The following SCN4A variants were observed in gnomAD, a reference collection of about 807,000 sequenced individuals.
SCN4A encodes sodium channel protein type 4 subunit alpha.
SCN4A carries 83 observed loss-of-function variants against 162.0 expected under a neutral mutation model. That is an observed-to-expected ratio of 0.51 (90% CI 0.43 to 0.61). The LOEUF (loss-of-function observed/expected upper bound fraction) is 0.61, where lower values mean the gene tolerates loss of function less well. Ranked by LOEUF, SCN4A falls within the 20% of genes least tolerant of loss-of-function variation. SCN4A has a pLI of 0.00. For missense variants in SCN4A, 2,196 were observed against 2,462.5 expected, an observed-to-expected ratio of 0.89 and a Z score of 2.29; for synonymous variants, 944 against 985.1, an observed-to-expected ratio of 0.96 and a Z score of 0.78.
At chr17:63,958,013 A>G (rs1217104708) in intron 12 of SCN4A, among the ~76,000 whole-genome samples, 3 of 150,302 alleles carry the variant, frequency 2.0e-5, no homozygotes, top group Non-Finnish European at 4.4e-5. Context: ...AAAAAAAAAA[A>G]AAAAAAGAAA....
chr17:63,943,846 C>G lies in SCN4A; in HGVS notation c.3917G>C (p.Gly1306Ala), dbSNP rs80338792. 9 of 1,601,794 alleles carry G rather than the reference C, an allele frequency of 5.6e-6. No homozygotes were observed. The highest frequency in any genetic ancestry group is 1.3e-5 in the African/African-American group (1 of 74,674). The change falls in exon 22 of 24, where the codon GGG becomes GCG. Residue 1306 changes from glycine to alanine, a missense_variant. Gly to Ala is a moderately conservative substitution (Grantham distance 60). Transcript: ENST00000435607. ...CTCCGTCATAAAGATGTCTTTCCCCCCTAAGTATAGTGGGATAGGGCTTGT... is the reference window on the plus strand; with the variant it reads ...CTCCGTCATAAAGATGTCTTTCCCCGCTAAGTATAGTGGGATAGGGCTTGT... Reference protein sequence around the residue: ...DNFNQQKKKLGGKDIFMTEEQ... With the variant: ...DNFNQQKKKLAGKDIFMTEEQ...
chr17:63,951,784 C>T lies in SCN4A; in HGVS notation c.2493G>A (p.Leu831=), dbSNP rs1409715292. The T allele has an allele frequency of 1.3e-6, 2 of 1,584,706 alleles. No individual in the cohort carries two copies. The highest frequency in any genetic ancestry group is 1.3e-5 in the African/African-American group (1 of 74,298). The change falls in exon 14 of 24, where the codon TTG becomes TTA. Residue 831 remains leucine (L), a synonymous_variant. Transcript: ENST00000435607. This position sits in a 1 kb window ranked among gnomAD's most constrained non-coding sequence, Gnocchi z 4.5. The part of the protein sequence containing the change: ...NLQIAIGRIK[L]GIGFAKAFLL... ...GGAAGGCCTTGGCAAAGCCGATGCC[C>T]AACTTGATGCGCCCGATGGCAATCT...
rs1445135724 is a variant in SCN4A at position 63,966,124 on chromosome 17, T to C, written c.1220A>G (p.Tyr407Cys). 5 of 1,586,748 alleles carry C rather than the reference T, an allele frequency of 3.2e-6. No individual in the cohort carries two copies. The highest frequency in any genetic ancestry group is 1.8e-5 in the Admixed American group (1 of 55,540). Residue 407 changes from tyrosine (Y) to cysteine (C), a missense_variant, in exon 8 of 24, where the codon TAT becomes TGT. Coordinates refer to ENST00000435607, the MANE Select transcript of SCN4A (RefSeq NM_000334.4). ...TACCAGCTGGAAGAGGTTCTCCCAA[T>C]AGTCCTGTGTCATGAGGCGGAAGAG... The part of the protein sequence containing the change: ...LALFRLMTQD[Y>C]WENLFQLTLR...
chr17:63,971,285 T>G, intron 4 of SCN4A, 32 bp from the exon 5 acceptor site: 1 of 1,093,842 alleles, frequency 9.1e-7, no homozygotes, highest in Non-Finnish European at 1.4e-6. Flanking sequence ...GTGGGGACTG[T>G]CAGAGCCTGG....
chr17:63,942,778 A>G, intron 23 of SCN4A, 48 bp downstream of exon 23: 4 of 1,574,078 alleles, frequency 2.5e-6, no homozygotes, highest in Non-Finnish European at 3.5e-6. Flanking sequence ...GGTCTTCCCG[A>G]GTGCCTCAGC....
At chr17:63,949,771 G>A (rs1353725529) in intron 14 of SCN4A, 2 of 433,994 alleles carry the variant, frequency 4.6e-6, no homozygotes, top group South Asian at 3.9e-5. Flanking sequence ...GGGAAGGGAC[G>A]GTAAGGGCAT....
rs371825957 is a variant in SCN4A, at chr17:63,972,703, T to C, written c.139A>G (p.Ile47Val). 1 of 1,613,538 alleles carries C rather than the reference T, an allele frequency of 6.2e-7. No homozygotes were observed. The highest frequency in any genetic ancestry group is 2.2e-5 in the East Asian group (1 of 44,886). ...CGTGGCTTCCGTTCGGGCTCCTCAA[T>C]CTCCATCTGCTTATTCCGCTGCAGC... ...ARLQRNKQME[I>V]EEPERKPRSD... is the part of the protein sequence containing the mutation. The change falls in exon 1 of 24, where the codon ATT becomes GTT. Residue 47 changes from isoleucine to valine, a missense_variant. Transcript: ENST00000435607. This position sits in a 1 kb window ranked among gnomAD's most constrained non-coding sequence, Gnocchi z 4.3.
At chr17:63,948,838 C>T (rs530665131) in intron 15 of SCN4A, 73 bp from the exon 16 acceptor site, 18 of 1,394,922 alleles carry the variant, frequency 1.3e-5, no homozygotes, top group South Asian at 7.2e-5. Context: ...GCACAGTCAG[C>T]GCCCTCCCAT....
At position 63,941,778 on chromosome 17, in the gene SCN4A, A is replaced by C; in HGVS notation, c.4504T>G (p.Ser1502Ala). ...TCCTTCTTGACGTAGGCAAAGTTGG[A>C]CATGCCGAAGATGGAGTAGATGAAC... ...VMFIYSIFGM[S>A]NFAYVKKESG... The change falls in exon 24 of 24, where the codon TCC becomes GCC. Residue 1502 changes from serine (S) to alanine (A), a missense_variant. Transcript: ENST00000435607. The surrounding 1 kb of genome is among the most constrained non-coding windows in gnomAD (Gnocchi z 6.2). 1 of 1,614,156 alleles carries C rather than the reference A, an allele frequency of 6.2e-7. No individual in the cohort carries two copies.
At chr17:63,971,349 C>T (rs984584839) in intron 4 of SCN4A, 96 bp from the exon 5 acceptor site, 17 of 741,374 alleles carry the variant, frequency 2.3e-5, no homozygotes, top group African/African-American at 3.5e-5. Flanking sequence ...TGAGGATTCC[C>T]AAGAAATTGG....
chr17:63,971,599 T>G, intron 4 of SCN4A, 123 bp downstream of exon 4: 1 of 851,120 alleles, frequency 1.2e-6, no homozygotes, highest in South Asian at 1.7e-5. Flanking sequence ...ATTGTGCAGC[T>G]CCCCATCTGC....
chr17:63,945,590 G>T lies in SCN4A; in HGVS notation c.3490C>A (p.Leu1164Met), dbSNP rs749033669. ...LGAIPSIMNVLLVCLIFWLIF... is the reference protein window; with the variant it reads ...LGAIPSIMNVMLVCLIFWLIF... ...AGCCAGAAGATGAGGCAGACAAGCA[G>T]CACATTCATGATGGAGGGGATGGCG... is the stretch of plus-strand genomic sequence containing the variant. The change falls in exon 19 of 24, where the codon CTG (leucine) becomes ATG (methionine). Residue 1164 changes from leucine (L) to methionine (M), a missense_variant. Transcript: ENST00000435607. The surrounding 1 kb of genome is among the most constrained non-coding windows in gnomAD (Gnocchi z 4.4). 6.2e-7 allele frequency: 1 copy of T among 1,614,070 alleles called. No homozygotes were observed. Among genetic ancestry groups the T allele is most frequent in the East Asian group, 2.2e-5 (1 of 44,880 alleles).
Position 63,939,628 on chromosome 17 carries a change from G to T in SCN4A, c.*1143C>A, listed in dbSNP as rs1908456342. 1 of 148,240 alleles carries T rather than the reference G, an allele frequency of 6.7e-6. No individual in the cohort carries two copies. The highest frequency in any genetic ancestry group is 1.5e-5 in the Non-Finnish European group (1 of 68,080). The allele number at this position is 148,240 out of a possible 1,614,324, so 9.2% of individuals were successfully genotyped here. A position where few individuals can be genotyped will look rare whatever the true frequency, so the allele number is the denominator to read the frequency against. On this transcript the variant is annotated 3_prime_UTR_variant, in exon 24 of 24. Coordinates refer to ENST00000435607, the MANE Select transcript of SCN4A (RefSeq NM_000334.4). ...GCCCTGCCATGCCCAGAACAGCGAT[G>T]CAGCAGAAGTGCTTCTTCAGGCCAC...
chr17:63,972,385 A>C lies in SCN4A; in HGVS notation c.359T>G (p.Val120Gly). 6.2e-7 allele frequency: 1 copy of C among 1,613,938 alleles called. No homozygotes were observed. Among genetic ancestry groups the C allele is most frequent in the Admixed American group, 1.7e-5 (1 of 60,018 alleles). The change falls in exon 2 of 24, where the codon GTC becomes GGC. Residue 120 changes from valine (V) to glycine (G), a missense_variant. Val to Gly is a moderately radical substitution (Grantham distance 109). Coordinates refer to ENST00000435607, the MANE Select transcript of SCN4A (RefSeq NM_000334.4). This position sits in a 1 kb window ranked among gnomAD's most constrained non-coding sequence, Gnocchi z 4.3. ...GAGCACCTTGATGGCCCCGCGCCTG[A>C]CTACGCTGAAGGGGCTCAGCAGGTA... The part of the protein sequence containing the change: ...ALYLLSPFSV[V>G]RRGAIKVLIH...
intron 13 of SCN4A, among the ~76,000 whole-genome samples, chr17:63,953,682 G>GAAAAAA (rs201699267): frequency 8.0e-6 from 1 of 124,388 alleles, no homozygotes; most frequent in Non-Finnish European, 1.7e-5. Flanking sequence ...ACCCTGCCTT[G>GAAAAAA]AAGAAAAAAA....
Position 63,941,576 on chromosome 17 carries a change from C to A in SCN4A, c.4706G>T (p.Gly1569Val), listed in dbSNP as rs373017435. The part of the protein sequence containing the change: ...NPGTSVKGDC[G>V]NPSIGICFFC... ...GAAGCAGATGCCGATGGAGGGGTTG[C>A]CGCAGTCACCCTTGACACTGGTGCC... The change falls in exon 24 of 24, where the codon GGC (glycine) becomes GTC (valine). Residue 1569 changes from glycine to valine, a missense_variant. Transcript: ENST00000435607. The surrounding 1 kb of genome is among the most constrained non-coding windows in gnomAD (Gnocchi z 6.2). The A allele has an allele frequency of 4.3e-6, 7 of 1,613,940 alleles. No homozygotes were observed. The Admixed American group carries it at 6.7e-5, about 15-fold the overall frequency.
rs1908487550 is a variant in SCN4A, at chr17:63,940,652, A to G, written c.*119T>C. The G allele has an allele frequency of 1.0e-5, 13 of 1,277,342 alleles. No individual in the cohort carries two copies. In the South Asian group the frequency reaches 1.6e-4, roughly 16 times the overall value. 79.1% of individuals were successfully genotyped at this position (1,277,342 alleles called of 1,614,324 possible). A position where few individuals can be genotyped will look rare whatever the true frequency, so the allele number is the denominator to read the frequency against. Reference sequence around the variant, plus strand: ...CCAGTGTGGCCAAATCCTGTCCCCCATCAGGGAGCCAGGCACAGTCCCAGA... The same window carrying G: ...CCAGTGTGGCCAAATCCTGTCCCCCGTCAGGGAGCCAGGCACAGTCCCAGA... On this transcript the variant is annotated 3_prime_UTR_variant, in exon 24 of 24. Transcript: ENST00000435607.
At position 63,950,994 on chromosome 17, in the gene SCN4A, G is replaced by A. The variant is rs546763982; in HGVS notation, c.2853+430C>T. Among the ~76,000 whole-genome samples the A allele has an allele frequency of 6.6e-6, 1 of 152,336 alleles. No individual in the cohort carries two copies. Among genetic ancestry groups the A allele is most frequent in the Admixed American group, 6.5e-5 (1 of 15,302 alleles). On this transcript the variant is annotated intron_variant, in intron 14 of 23. Transcript: ENST00000435607. The surrounding 1 kb of genome is among the most constrained non-coding windows in gnomAD (Gnocchi z 4.6). Reference sequence around the variant, plus strand: ...TGGGAGGTTGGGAGCAGACCCAGGTGGGGTCTAAACAGAGATAGAGGATAA... The same window carrying A: ...TGGGAGGTTGGGAGCAGACCCAGGTAGGGTCTAAACAGAGATAGAGGATAA...
At chr17:63,946,829 G>C (rs1228871141) in intron 18 of SCN4A, among the ~76,000 whole-genome samples, 1 of 152,130 alleles carries the variant, frequency 6.6e-6, no homozygotes, top group Non-Finnish European at 1.5e-5. Flanking sequence ...GGCTGGATCG[G>C]GGGCTGAGAG....
Sources: allele counts gnomAD v4.1 joint callset (sites outside exome capture counted in the v4.1 genomes callset), GRCh38; gene constraint gnomAD v4.1.1; non-coding constraint Gnocchi (gnomAD v3.1); transcripts MANE v1.5; gene names NCBI Gene and HGNC (gene_info 2026-07-23, HGNC 2026-07-21).